Variants in SSBP2 observed in about 807,000 individuals in gnomAD.
SSBP2 encodes single-stranded DNA-binding protein 2.
SSBP2 carries 17 observed loss-of-function variants against 61.8 expected under a neutral mutation model. The ratio of observed to expected loss-of-function variants is 0.28; its 90% CI spans 0.19 to 0.41. SSBP2 has a LOEUF of 0.41. SSBP2 is among the 10% of genes least tolerant of loss of function. SSBP2 has a pLI of 1.00. For synonymous variants in SSBP2, 139 were observed against 141.3 expected, an observed-to-expected ratio of 0.98 and a Z score of 0.12; for missense variants, 310 against 458.7, an observed-to-expected ratio of 0.68 and a Z score of 2.96.
intron 4 of SSBP2, among the ~76,000 whole-genome samples, chr5:81,540,417 T>G (rs1771171345): frequency 6.6e-6 from 1 of 152,220 alleles, no homozygotes; most frequent in African/African-American, 2.4e-5. Context: ...GTTTCCTGAC[T>G]TTTTAGCAAT....
intron 1 of SSBP2, among the ~76,000 whole-genome samples, chr5:81,677,954 A>G (rs1752108719): frequency 6.6e-6 from 1 of 152,174 alleles, no homozygotes; most frequent in South Asian, 2.1e-4. Context: ...CTAAGCTACT[A>G]AAGGCCTATT....
chr5:81,590,088 C>A (rs762950907), intron 4 of SSBP2, among the ~76,000 whole-genome samples: 1 of 152,054 alleles, frequency 6.6e-6, no homozygotes, highest in African/African-American at 2.4e-5. Flanking sequence ...ATGGAGTTTC[C>A]TTTCCCCATC....
intron 1 of SSBP2, among the ~76,000 whole-genome samples, chr5:81,738,266 T>C (rs1756754033): frequency 6.6e-6 from 1 of 152,198 alleles, no homozygotes; most frequent in South Asian, 2.1e-4. Context: ...CTCATCAAAT[T>C]TACACATTTA....
intron 4 of SSBP2, among the ~76,000 whole-genome samples, chr5:81,583,958 A>C (rs891014895): frequency 3.3e-5 from 5 of 152,210 alleles, no homozygotes; most frequent in Admixed American, 2.6e-4. Flanking sequence ...AATTTTTAAA[A>C]TACAATGATT....
intron 4 of SSBP2, among the ~76,000 whole-genome samples, chr5:81,525,741 T>G (rs1010574382): frequency 6.6e-6 from 1 of 152,040 alleles, no homozygotes; most frequent in Non-Finnish European, 1.5e-5. Flanking sequence ...CTCTGCCTAT[T>G]ACCTGTACCA....
chr5:81,535,940 T>C (rs184143430), intron 4 of SSBP2, among the ~76,000 whole-genome samples: 41 of 152,180 alleles, frequency 2.7e-4, no homozygotes, highest in Middle Eastern at 3.4e-3. Context: ...AAATACATTG[T>C]CAAGAGAGTG....
intron 1 of SSBP2, among the ~76,000 whole-genome samples, chr5:81,669,442 T>C (rs1052266125): frequency 6.6e-6 from 1 of 152,098 alleles, no homozygotes. Context: ...AGTAGGTGAA[T>C]GGAGAAATAA....
intron 1 of SSBP2, among the ~76,000 whole-genome samples, chr5:81,735,572 A>G (rs1051247764): frequency 2.6e-5 from 4 of 152,214 alleles, no homozygotes; most frequent in Non-Finnish European, 5.9e-5. Context: ...ATTAATGACA[A>G]GAAGAAAAAT....
At chr5:81,615,927 A>C (rs1745968086) in intron 3 of SSBP2, among the ~76,000 whole-genome samples, 1 of 152,244 alleles carries the variant, frequency 6.6e-6, no homozygotes, top group South Asian at 2.1e-4. Context: ...ATAATTAAGG[A>C]ATCAAGTGGT....
At chr5:81,612,938 G>A (rs1745601331) in intron 4 of SSBP2, among the ~76,000 whole-genome samples, 1 of 151,832 alleles carries the variant, frequency 6.6e-6, no homozygotes, top group African/African-American at 2.4e-5. Context: ...TTACATGTTA[G>A]AAATAAATTT....
chr5:81,521,572 T>C (rs1028915001), intron 4 of SSBP2, among the ~76,000 whole-genome samples: 1 of 152,024 alleles, frequency 6.6e-6, no homozygotes, highest in Non-Finnish European at 1.5e-5. Flanking sequence ...AGAAGTCTGA[T>C]ACCACCTTGA....
At chr5:81,623,048 G>A (rs1299119641) in intron 3 of SSBP2, among the ~76,000 whole-genome samples, 4 of 112,190 alleles carry the variant, frequency 3.6e-5, no homozygotes, top group Non-Finnish European at 8.0e-5. Flanking sequence ...AATAAAACCC[G>A]TAGATAAGGA....
intron 4 of SSBP2, among the ~76,000 whole-genome samples, chr5:81,582,160 CTTTG>C (rs1295452058): frequency 2.0e-5 from 3 of 152,076 alleles, no homozygotes; most frequent in Non-Finnish European, 4.4e-5. Flanking sequence ...AAGCATTCAT[CTTTG>C]TTTGGGGTTG....
chr5:81,751,220 C>T, upstream of SSBP2: 1 of 659,266 alleles, frequency 1.5e-6, no homozygotes, highest in South Asian at 1.8e-5. Context: ...CCCCCTCCCT[C>T]TGGCCTTCCG....
chr5:81,422,204 C>A (rs895525273), intron 16 of SSBP2, among the ~76,000 whole-genome samples: 1 of 151,960 alleles, frequency 6.6e-6, no homozygotes, highest in East Asian at 1.9e-4. Context: ...TAGGCGAGCA[C>A]GAACTTTTCA....
intron 2 of SSBP2, among the ~76,000 whole-genome samples, chr5:81,647,600 C>T (rs911464320): frequency 2.6e-5 from 4 of 152,000 alleles, no homozygotes; most frequent in Admixed American, 2.6e-4. Flanking sequence ...ATCACATACA[C>T]TTATCTCCAA....
At chr5:81,438,391 A>C (rs911957675) in intron 14 of SSBP2, among the ~76,000 whole-genome samples, 1 of 152,050 alleles carries the variant, frequency 6.6e-6, no homozygotes, top group Admixed American at 6.6e-5. Flanking sequence ...ATTAGGTAAC[A>C]GAACAATAAT....
chr5:81,491,993 T>C (rs563464676), intron 5 of SSBP2, among the ~76,000 whole-genome samples: 2 of 152,338 alleles, frequency 1.3e-5, no homozygotes, highest in South Asian at 4.1e-4. Context: ...TAAAAGCGTT[T>C]GCATACTAGC....
At chr5:81,601,560 G>C (rs1207284812) in intron 4 of SSBP2, among the ~76,000 whole-genome samples, 4 of 152,100 alleles carry the variant, frequency 2.6e-5, no homozygotes, top group Admixed American at 6.6e-5. Flanking sequence ...CTAGGGAAAA[G>C]GTACATGAGA....
Sources: gnomAD v4.1 joint callset for allele counts (sites outside exome capture counted in the v4.1 genomes callset) on GRCh38, gnomAD v4.1.1 for gene constraint, MANE v1.5 for transcripts, NCBI Gene and HGNC (gene_info 2026-07-23, HGNC 2026-07-21) for gene names.